KAZN: variants seen among roughly 807,000 people sequenced by gnomAD.
KAZN encodes the protein kazrin.
A neutral mutation model predicts 87.4 loss-of-function variants in KAZN; 40 were observed. That is an observed-to-expected ratio of 0.46 (90% CI 0.36 to 0.60). KAZN has a LOEUF of 0.60. KAZN is among the 20% of genes least tolerant of loss of function. The pLI is 0.00. For synonymous variants in KAZN, 466 were observed against 458.3 expected, an observed-to-expected ratio of 1.02 and a Z score of -0.22; for missense variants, 898 against 1,073.9, an observed-to-expected ratio of 0.84 and a Z score of 2.29.
intron 10 of KAZN, among the ~76,000 whole-genome samples, chr1:15,095,470 C>A (rs980062415): frequency 1.3e-5 from 2 of 152,082 alleles, no homozygotes; most frequent in Non-Finnish European, 2.9e-5. Flanking sequence ...CAGGTGTACC[C>A]CCGCAGGCCA....
At chr1:14,771,745 G>A (rs1645025643) in intron 1 of KAZN, among the ~76,000 whole-genome samples, 1 of 152,188 alleles carries the variant, frequency 6.6e-6, no homozygotes, top group South Asian at 2.1e-4. Flanking sequence ...AGAATTGCTT[G>A]AACCCGGGAG....
intron 1 of KAZN, among the ~76,000 whole-genome samples, chr1:14,610,321 C>T (rs191483545): frequency 1.3e-5 from 2 of 152,292 alleles, no homozygotes; most frequent in African/African-American, 4.8e-5. Flanking sequence ...CATTCTCCTG[C>T]CTCAGCCTCC....
chr1:14,607,085 T>C (rs1677428742), intron 1 of KAZN, among the ~76,000 whole-genome samples: 1 of 152,136 alleles, frequency 6.6e-6, no homozygotes, highest in Non-Finnish European at 1.5e-5. Context: ...GCTGAATGAA[T>C]AGATGGATGG....
intron 1 of KAZN, among the ~76,000 whole-genome samples, chr1:14,758,922 A>G (rs904696175): frequency 6.6e-6 from 1 of 150,396 alleles, no homozygotes; most frequent in African/African-American, 2.5e-5. Context: ...AAAAAAAATG[A>G]AAGAGAAAGC....
intron 1 of KAZN, among the ~76,000 whole-genome samples, chr1:14,887,788 A>C (rs1234359302): frequency 6.6e-6 from 1 of 151,732 alleles, no homozygotes; most frequent in East Asian, 1.9e-4. Flanking sequence ...AATTAGAATG[A>C]AATGTGTTGT....
At position 14,206,066 on chromosome 1, in the gene KAZN, C is replaced by T. The variant is rs1312537901; in HGVS notation, c.249+25474C>T. Among the ~76,000 whole-genome samples, 4 of 151,982 alleles carry T rather than the reference C, an allele frequency of 2.6e-5. No individual in the cohort carries two copies. The South Asian group carries it at 8.3e-4, about 32-fold the overall frequency. ...GCCACCCAAAGATAGGTAAACATTACTGCATGGGCAATGTATATTCCTACC... is the reference window on the plus strand; with the variant it reads ...GCCACCCAAAGATAGGTAAACATTATTGCATGGGCAATGTATATTCCTACC... On this transcript the variant is annotated intron_variant, in intron 2 of 16. Transcript: ENST00000636203.
intron 1 of KAZN, among the ~76,000 whole-genome samples, chr1:14,851,024 G>A (rs1002138798): frequency 6.6e-6 from 1 of 152,228 alleles, no homozygotes; most frequent in African/African-American, 2.4e-5. Flanking sequence ...GATCAGAGCA[G>A]AATTTGGGGA....
At chr1:14,466,118 A>G (rs992084028) in intron 2 of KAZN, among the ~76,000 whole-genome samples, 1 of 152,160 alleles carries the variant, frequency 6.6e-6, no homozygotes, top group African/African-American at 2.4e-5. Context: ...GGTGTCACCT[A>G]ACAACATATT....
At position 14,579,582 on chromosome 1, in the gene KAZN, A is replaced by G. The variant is rs1317638836; in HGVS notation, c.250-19401A>G. Among the ~76,000 whole-genome samples, 5 of 151,576 alleles carry G rather than the reference A, an allele frequency of 3.3e-5. No homozygotes were observed. In the East Asian group the frequency reaches 9.7e-4, roughly 30 times the overall value. On this transcript the variant is annotated intron_variant, in intron 2 of 16. Transcript: ENST00000636203. Reference sequence around the variant, plus strand: ...GGAGCTTGCGGTGAGCCGAGATCGCACCACTGCACTGCAGCCTGGGCAACA... The same window carrying G: ...GGAGCTTGCGGTGAGCCGAGATCGCGCCACTGCACTGCAGCCTGGGCAACA...
chr1:14,676,077 G>A (rs1465213331), intron 1 of KAZN, among the ~76,000 whole-genome samples: 1 of 152,188 alleles, frequency 6.6e-6, no homozygotes, highest in Non-Finnish European at 1.5e-5. Flanking sequence ...TGCAACTTGA[G>A]AATCCTCAGG....
At chr1:14,218,917 T>C (rs1164596956) in intron 2 of KAZN, among the ~76,000 whole-genome samples, 1 of 152,108 alleles carries the variant, frequency 6.6e-6, no homozygotes, top group East Asian at 1.9e-4. Flanking sequence ...TTTGCTGTTA[T>C]CATAAGTAAA....
At chr1:14,864,220 T>C (rs561062444) in intron 1 of KAZN, among the ~76,000 whole-genome samples, 11 of 152,306 alleles carry the variant, frequency 7.2e-5, no homozygotes, top group African/African-American at 2.4e-4. Context: ...TGGTTACTAC[T>C]GAAAAGTGAG....
intron 1 of KAZN, among the ~76,000 whole-genome samples, chr1:14,149,069 T>TTCCTG (rs1557515621): frequency 8.4e-5 from 9 of 107,064 alleles, no homozygotes; most frequent in African/African-American, 2.7e-4. Context: ...CTGCCTTCCT[T>TTCCTG]CCTTCCTTCC....
chr1:14,308,891 A>G (rs1350970959), intron 2 of KAZN, among the ~76,000 whole-genome samples: 1 of 152,218 alleles, frequency 6.6e-6, no homozygotes, highest in Non-Finnish European at 1.5e-5. Context: ...GTGCAGCTCT[A>G]AAGACGAGCA....
At chr1:14,726,481 A>G (rs367973922) in intron 1 of KAZN, among the ~76,000 whole-genome samples, 5 of 152,234 alleles carry the variant, frequency 3.3e-5, no homozygotes, top group African/African-American at 1.2e-4. Flanking sequence ...TGGGTCATCC[A>G]TGCTTCCCTC....
At chr1:14,072,632 C>T (rs184697042) in intron 1 of KAZN, among the ~76,000 whole-genome samples, 29 of 152,286 alleles carry the variant, frequency 1.9e-4, no homozygotes, top group Admixed American at 3.9e-4. Flanking sequence ...TGGTGAGAGG[C>T]GGCTGAGGAA....
At chr1:14,478,092 C>G (rs1360264105) in intron 2 of KAZN, among the ~76,000 whole-genome samples, 2 of 152,152 alleles carry the variant, frequency 1.3e-5, no homozygotes, top group Non-Finnish European at 2.9e-5. Context: ...CTCACACTTC[C>G]CAAATGAAAC....
At chr1:14,431,239 G>A (rs766326020) in intron 2 of KAZN, among the ~76,000 whole-genome samples, 2 of 152,260 alleles carry the variant, frequency 1.3e-5, no homozygotes, top group African/African-American at 2.4e-5. Context: ...CATAGTGCTC[G>A]ACAATTTCTC....
At chr1:14,748,043 G>T (rs1644309074) in intron 1 of KAZN, among the ~76,000 whole-genome samples, 1 of 152,140 alleles carries the variant, frequency 6.6e-6, no homozygotes, top group Non-Finnish European at 1.5e-5. Context: ...GATGACCCAG[G>T]GATCACCTTT....
Sources: allele counts gnomAD v4.1 joint callset (sites outside exome capture counted in the v4.1 genomes callset), GRCh38; gene constraint gnomAD v4.1.1; transcripts MANE v1.5; gene names NCBI Gene and HGNC (gene_info 2026-07-23, HGNC 2026-07-21).